MYBPC1: variants seen among roughly 807,000 people sequenced by gnomAD.
The protein encoded by MYBPC1 is myosin-binding protein C, slow-type.
Under a neutral mutation model 147.1 loss-of-function variants are expected in MYBPC1, and 52 were observed. That is an observed-to-expected ratio of 0.35 (90% confidence interval 0.28 to 0.45). MYBPC1 has a LOEUF of 0.45. Among genes scored for constraint, MYBPC1 ranks in the 20% least tolerant of loss-of-function variants. The pLI is 1.00. For synonymous variants in MYBPC1, 477 were observed against 475.9 expected (o/e 1.00, Z -0.03); for missense variants, 1,228 against 1,440.3 (o/e 0.85, Z 2.39).
intron 25 of MYBPC1, among the ~76,000 whole-genome samples, chr12:101,674,593 G>T (rs988368913): frequency 6.6e-6 from 1 of 152,052 alleles, no homozygotes; most frequent in African/African-American, 2.4e-5. Flanking sequence ...TTAAGGCCGG[G>T]TGTGGTGGCT....
At position 101,652,767 on chromosome 12, in the gene MYBPC1, C is replaced by G. The variant is rs1435024823; in HGVS notation, c.1616C>G (p.Ala539Gly). ...GATGCCTACAATGTTACTCTGCCTG[C>G]CAAAGTTCATGTTATTGGTGAGTAG... is the stretch of plus-strand genomic sequence containing the variant. ...APDAYNVTLP[A>G]KVHVIDPPKI... Residue 539 changes from alanine (A) to glycine (G), a missense_variant, in exon 17 of 32, where the codon GCC becomes GGC. Physicochemically the swap from Ala to Gly is moderately conservative, Grantham distance 60 (BLOSUM62 0). This residue lies in a region of MYBPC1 where 1,077 missense variants were observed against 1,314.2 expected (regional missense o/e 0.82). Coordinates refer to ENST00000361466, the MANE Select transcript of MYBPC1 (RefSeq NM_002465.4). 4.3e-6 allele frequency: 7 copies of G among 1,612,566 alleles called. No individual in the cohort carries two copies.
At chr12:101,672,971 G>C (rs1473379154) in intron 24 of MYBPC1, among the ~76,000 whole-genome samples, 1 of 152,242 alleles carries the variant, frequency 6.6e-6, no homozygotes, top group East Asian at 1.9e-4. Flanking sequence ...TTGAGGCACA[G>C]AAAGCTTAGT....
intron 1 of MYBPC1, among the ~76,000 whole-genome samples, chr12:101,596,541 T>G (rs931509692): frequency 6.6e-6 from 1 of 152,228 alleles, no homozygotes; most frequent in Non-Finnish European, 1.5e-5. Flanking sequence ...ATTTAGTGAA[T>G]GATTTTGCAT....
chr12:101,629,904 C>T (rs1889532025), intron 6 of MYBPC1, among the ~76,000 whole-genome samples: 1 of 152,040 alleles, frequency 6.6e-6, no homozygotes, highest in African/African-American at 2.4e-5. Context: ...GTGAAATTCA[C>T]TTATAACATT....
At chr12:101,654,434 C>T (rs145654696) in intron 18 of MYBPC1, among the ~76,000 whole-genome samples, 4 of 152,036 alleles carry the variant, frequency 2.6e-5, no homozygotes, top group African/African-American at 9.7e-5. Flanking sequence ...CCTATAATTG[C>T]CTCAAGCTTA....
intron 22 of MYBPC1, chr12:101,666,894 T>G (rs7307993): frequency 9.6e-6 from 3 of 311,198 alleles, no homozygotes; most frequent in African/African-American, 2.5e-5. Context: ...ATCACATACA[T>G]ACACACACAC....
chr12:101,606,369 T>C (rs946704305), intron 1 of MYBPC1, among the ~76,000 whole-genome samples: 1 of 152,166 alleles, frequency 6.6e-6, no homozygotes, highest in African/African-American at 2.4e-5. Context: ...AGCATTACTA[T>C]TAGGAAAATC....
intron 18 of MYBPC1, among the ~76,000 whole-genome samples, chr12:101,656,512 T>A (rs946203618): frequency 6.6e-6 from 1 of 152,162 alleles, no homozygotes; most frequent in African/African-American, 2.4e-5. Context: ...AGAGACATGC[T>A]GTGCTAAGAC....
intron 10 of MYBPC1, among the ~76,000 whole-genome samples, chr12:101,640,100 G>A (rs1159892373): frequency 2.0e-5 from 3 of 151,918 alleles, no homozygotes; most frequent in East Asian, 1.9e-4. Flanking sequence ...TTGCAGCCTC[G>A]ACCTCCTGGG....
chr12:101,687,211 T>C (rs896350220), downstream of MYBPC1, among the ~76,000 whole-genome samples: 15 of 152,110 alleles, frequency 9.9e-5, no homozygotes, highest in African/African-American at 3.1e-4. Flanking sequence ...CGCCTAATGC[T>C]ATCCCTCCCC....
intron 18 of MYBPC1, among the ~76,000 whole-genome samples, chr12:101,656,802 A>G (rs1895624399): frequency 6.6e-6 from 1 of 152,196 alleles, no homozygotes; most frequent in Non-Finnish European, 1.5e-5. Flanking sequence ...GCAGACAGAA[A>G]ATCAGTAAGG....
intron 3 of MYBPC1, among the ~76,000 whole-genome samples, chr12:101,621,349 A>G (rs1232443753): frequency 1.3e-5 from 2 of 152,250 alleles, no homozygotes; most frequent in South Asian, 4.1e-4. Flanking sequence ...CATTAAATGT[A>G]CATACTTATT....
Position 101,642,423 on chromosome 12 carries a change from G to A in MYBPC1, c.670G>A (p.Val224Met). ...DFSGLLKRRE[V>M]KQQEEEPQVD... ...ACCATGGTTCTCCCCGGTTAGGGAGGTGAAGCAGCAGGAGGAAGAACCCCA... is the reference window on the plus strand; with the variant it reads ...ACCATGGTTCTCCCCGGTTAGGGAGATGAAGCAGCAGGAGGAAGAACCCCA... The change falls in exon 11 of 32, where the codon GTG becomes ATG. Residue 224 changes from valine (V) to methionine (M), a missense_variant. By Grantham distance (21) the Val-to-Met change is conservative. Coordinates refer to ENST00000361466, the MANE Select transcript of MYBPC1 (RefSeq NM_002465.4). 6.2e-7 allele frequency: 1 copy of A among 1,614,110 alleles called. No individual in the cohort carries two copies. The highest frequency in any genetic ancestry group is 8.5e-7 in the Non-Finnish European group (1 of 1,180,028).
chr12:101,595,793 A>C (rs1303166206), intron 1 of MYBPC1, among the ~76,000 whole-genome samples: 1 of 152,132 alleles, frequency 6.6e-6, no homozygotes, highest in Non-Finnish European at 1.5e-5. Context: ...AAAGTATAAA[A>C]ATATTCTTCC....
intron 17 of MYBPC1, 146 bp downstream of exon 17, chr12:101,652,930 A>G (rs2136315924): frequency 9.5e-7 from 1 of 1,057,026 alleles, no homozygotes; most frequent in East Asian, 2.5e-5. Flanking sequence ...AAGATTGGTG[A>G]CTTATACCAA....
At chr12:101,609,095 A>G (rs1217877038) in intron 1 of MYBPC1, among the ~76,000 whole-genome samples, 1 of 152,204 alleles carries the variant, frequency 6.6e-6, no homozygotes, top group Non-Finnish European at 1.5e-5. Flanking sequence ...GTCCTCAAGA[A>G]GCTTGTGATC....
In MYBPC1 at chr12:101,684,002, A is replaced by G. The variant is rs931546000; in HGVS notation, c.3493-380A>G. Among the ~76,000 whole-genome samples the G allele has an allele frequency of 3.3e-5, 5 of 152,164 alleles. No individual in the cohort carries two copies. The East Asian group carries it at 9.6e-4, about 29-fold the overall frequency. On this transcript the variant is annotated intron_variant, in intron 30 of 31. Transcript: ENST00000361466. Reference sequence around the variant, plus strand: ...TACACTAACACTTTGTCTATTGTCTATGTTTTTCTTTTGTTGAAAAACACG... The same window carrying G: ...TACACTAACACTTTGTCTATTGTCTGTGTTTTTCTTTTGTTGAAAAACACG...
rs825055 is a variant in MYBPC1, at chr12:101,647,181, T to C, written c.1090+294T>C. ...GATAATCCTTGTTTCACACACTCAA[T>C]TGATCACAAATAGGTTTCTCTTGAA... is the stretch of plus-strand genomic sequence containing the variant. On this transcript the variant is annotated intron_variant, in intron 13 of 31. Transcript: ENST00000361466. Among the ~76,000 whole-genome samples, 91,787 of 152,158 alleles carry C rather than the reference T, an allele frequency of 0.6. 28,449 individuals are homozygous for C. Among genetic ancestry groups the C allele is most frequent in the African/African-American group, 0.74 (30,735 of 41,510 alleles).
intron 1 of MYBPC1, among the ~76,000 whole-genome samples, chr12:101,605,848 G>A (rs2135653371): frequency 1.3e-5 from 2 of 151,378 alleles, no homozygotes; most frequent in Middle Eastern, 7.0e-3. Flanking sequence ...GGCAACAAGA[G>A]CAAAACTGTG....
Sources: allele counts gnomAD v4.1 joint callset (sites outside exome capture counted in the v4.1 genomes callset), GRCh38; gene constraint gnomAD v4.1.1; regional missense constraint gnomAD v4.1.1; transcripts MANE v1.5; gene names NCBI Gene and HGNC (gene_info 2026-07-23, HGNC 2026-07-21).